Variants in RAB22A observed in about 807,000 individuals in gnomAD.
The protein encoded by RAB22A is ras-related protein Rab-22A.
A neutral mutation model predicts 30.2 loss-of-function variants in RAB22A; 13 were observed. The observed-to-expected ratio is 0.43, with a 90% CI of 0.28 to 0.68. The LOEUF (loss-of-function observed/expected upper bound fraction) is 0.68, where lower values mean the gene tolerates loss of function less well. Ranked by LOEUF, RAB22A falls within the 30% of genes least tolerant of loss-of-function variation. RAB22A has a pLI of 0.18. For missense variants in RAB22A, 177 were observed against 246.8 expected (o/e 0.72, Z 1.89); for synonymous variants, 89 against 87.2 (o/e 1.02, Z -0.11).
At chr20:58,345,650 G>A (rs939591830) in intron 3 of RAB22A, 1 of 152,366 alleles carries the variant, frequency 6.6e-6, no homozygotes, top group Non-Finnish European at 1.5e-5. Flanking sequence ...GGTTGCCAAA[G>A]CGCAGTGCTG....
At chr20:58,310,157 AG>A (rs1600719756) in intron 1 of RAB22A, 145 bp downstream of exon 1, 1 of 830,334 alleles carries the variant, frequency 1.2e-6, no homozygotes, top group East Asian at 3.4e-5. Context: ...CCAGCTCGGG[AG>A]CCGTCCCGCC....
At chr20:58,333,882 C>T (rs1986700877) in intron 2 of RAB22A, among the ~76,000 whole-genome samples, 1 of 152,098 alleles carries the variant, frequency 6.6e-6, no homozygotes, top group South Asian at 2.1e-4. Context: ...CATAGCGAGA[C>T]CCTGTCTCTA....
At chr20:58,315,378 C>A (rs1400019265) in intron 2 of RAB22A, among the ~76,000 whole-genome samples, 1 of 152,174 alleles carries the variant, frequency 6.6e-6, no homozygotes, top group African/African-American at 2.4e-5. Context: ...CGTCTTTGTT[C>A]CTCCTCCAGT....
At position 58,350,541 on chromosome 20, in the gene RAB22A, C is replaced by T. The variant is rs189843575; in HGVS notation, c.199-2732C>T. 2.9e-3 allele frequency among the ~76,000 whole-genome samples: 438 copies of T among 151,944 alleles called. 6 individuals carry two copies. The highest frequency in any genetic ancestry group is 0.01 in the African/African-American group (422 of 41,432). ...GGTAAAGAGAAAATCTTGAATGCACCCAGAAGTAAAAGACACGTAAACAGG... is the reference window on the plus strand; with the variant it reads ...GGTAAAGAGAAAATCTTGAATGCACTCAGAAGTAAAAGACACGTAAACAGG... On this transcript the variant is annotated intron_variant, in intron 3 of 6. Coordinates refer to ENST00000244040, the MANE Select transcript of RAB22A (RefSeq NM_020673.3).
rs1453453095 is a variant in RAB22A, at chr20:58,309,762, A to C, written c.-215A>C. The C allele has an allele frequency of 1.3e-5, 4 of 299,494 alleles. No homozygotes were observed. Among genetic ancestry groups the C allele is most frequent in the Non-Finnish European group, 2.4e-5 (4 of 169,424 alleles). 18.6% of individuals were successfully genotyped at this position (299,494 alleles called of 1,614,324 possible). Reference sequence around the variant, plus strand: ...AGATGGCGGCGGCGGCGGCTCCCGGAAGGCCGCGGCGGCGTCCCGGCTGCT... The same window carrying C: ...AGATGGCGGCGGCGGCGGCTCCCGGCAGGCCGCGGCGGCGTCCCGGCTGCT... On this transcript the variant is annotated 5_prime_UTR_variant, in exon 1 of 7. Coordinates refer to ENST00000244040, the MANE Select transcript of RAB22A (RefSeq NM_020673.3).
At position 58,364,351 on chromosome 20, in the gene RAB22A, A is replaced by G. The variant is rs991527884; in HGVS notation, c.*4648A>G. 6.6e-6 allele frequency: 1 copy of G among 152,252 alleles called. No homozygotes were observed. The highest frequency in any genetic ancestry group is 2.4e-5 in the African/African-American group (1 of 41,458). The allele number at this position is 152,252 out of a possible 1,614,324, so 9.4% of individuals were successfully genotyped here. A position where few individuals can be genotyped will look rare whatever the true frequency, so the allele number is the denominator to read the frequency against. On this transcript the variant is annotated 3_prime_UTR_variant, in exon 7 of 7. Transcript: ENST00000244040. ...TTGATGGTCTATACCATCAGAAATAACTAATATCTGTTTTCTTTCCTTTTA... is the reference window on the plus strand; with the variant it reads ...TTGATGGTCTATACCATCAGAAATAGCTAATATCTGTTTTCTTTCCTTTTA...
rs1339890004 is a variant in RAB22A at position 58,363,772 on chromosome 20, A to C, written c.*4069A>C. The C allele has an allele frequency of 1.3e-5, 2 of 152,226 alleles. No individual in the cohort carries two copies. Among genetic ancestry groups the C allele is most frequent in the Non-Finnish European group, 2.9e-5 (2 of 68,040 alleles). The allele number at this position is 152,226 out of a possible 1,614,324, so 9.4% of individuals were successfully genotyped here. On this transcript the variant is annotated 3_prime_UTR_variant, in exon 7 of 7. Coordinates refer to ENST00000244040, the MANE Select transcript of RAB22A (RefSeq NM_020673.3). The stretch of plus-strand genomic sequence containing the variant: ...CCTCTAGTTAGCTTGGTTTATCAAA[A>C]GGATTTTTAAATGATTCAAGGTAAT...
At chr20:58,326,146 G>GT (rs139989125) in intron 2 of RAB22A, among the ~76,000 whole-genome samples, 8,431 of 150,386 alleles carry the variant, frequency 0.056, 264 homozygotes, top group South Asian at 0.11. Flanking sequence ...TTCCTGTTTT[G>GT]TTTTTTTTTA....
At chr20:58,321,148 G>A (rs1986450830) in intron 2 of RAB22A, among the ~76,000 whole-genome samples, 6 of 149,974 alleles carry the variant, frequency 4.0e-5, no homozygotes, top group Admixed American at 1.3e-4. Context: ...CCGAGACTGC[G>A]CCACTGCCCT....
chr20:58,346,688 A>G (rs1486658734), intron 3 of RAB22A, among the ~76,000 whole-genome samples: 1 of 152,206 alleles, frequency 6.6e-6, no homozygotes, highest in East Asian at 1.9e-4. Context: ...ATCTCCCATC[A>G]GACTGTAACT....
rs971540954 is a variant in RAB22A at position 58,362,161 on chromosome 20, C to T, written c.*2458C>T. 2 of 152,140 alleles carry T rather than the reference C, an allele frequency of 1.3e-5. No individual in the cohort carries two copies. The highest frequency in any genetic ancestry group is 2.9e-5 in the Non-Finnish European group (2 of 68,018). 9.4% of individuals were successfully genotyped at this position (152,140 alleles called of 1,614,324 possible). A position where few individuals can be genotyped will look rare whatever the true frequency, so the allele number is the denominator to read the frequency against. On this transcript the variant is annotated 3_prime_UTR_variant, in exon 7 of 7. Transcript: ENST00000244040. ...TCGGCACTGTTTCTCGTGTAATATC[C>T]TTCTAATGCTTAGCAACAACAACAA...
At chr20:58,334,815 C>T (rs1986719948) in intron 2 of RAB22A, among the ~76,000 whole-genome samples, 1 of 151,224 alleles carries the variant, frequency 6.6e-6, no homozygotes, top group Non-Finnish European at 1.5e-5. Context: ...GACATCCATG[C>T]CCTGTTCTTA....
chr20:58,339,122 G>C (rs115158720), intron 2 of RAB22A, among the ~76,000 whole-genome samples: 1 of 152,212 alleles, frequency 6.6e-6, no homozygotes, highest in Non-Finnish European at 1.5e-5. Context: ...TTTTTTCATT[G>C]AGAGCACGTA....
intron 2 of RAB22A, 143 bp from the exon 3 acceptor site, chr20:58,343,575 A>G (rs1481019995): frequency 3.3e-6 from 2 of 598,998 alleles, no homozygotes; most frequent in Admixed American, 5.9e-5. Flanking sequence ...AGCATCCCAT[A>G]AATACTCCAG....
At chr20:58,332,809 A>G (rs746785200) in intron 2 of RAB22A, among the ~76,000 whole-genome samples, 4 of 152,116 alleles carry the variant, frequency 2.6e-5, no homozygotes, top group Non-Finnish European at 4.4e-5. Flanking sequence ...GTCTAGGTAT[A>G]TCATAGTCAA....
At chr20:58,332,340 G>A (rs543365511) in intron 2 of RAB22A, among the ~76,000 whole-genome samples, 29 of 152,362 alleles carry the variant, frequency 1.9e-4, no homozygotes, top group African/African-American at 6.7e-4. Context: ...GCTCTTAACT[G>A]TGGAGACTTG....
chr20:58,335,697 C>G (rs1986738337), intron 2 of RAB22A, among the ~76,000 whole-genome samples: 1 of 152,110 alleles, frequency 6.6e-6, no homozygotes. Context: ...TTGGGTCTAT[C>G]CTTGTTTTGT....
At chr20:58,343,600 A>T (rs1986894892) in intron 2 of RAB22A, 118 bp from the exon 3 acceptor site, 2 of 697,470 alleles carry the variant, frequency 2.9e-6, no homozygotes, top group Non-Finnish European at 5.0e-6. Context: ...GAACACAATT[A>T]GGATACAGCG....
At chr20:58,338,213 G>C (rs1986794163) in intron 2 of RAB22A, among the ~76,000 whole-genome samples, 1 of 151,986 alleles carries the variant, frequency 6.6e-6, no homozygotes, top group South Asian at 2.1e-4. Context: ...TTTTAGTAGA[G>C]ACGAGGTTTC....
Sources: gnomAD v4.1 joint callset for allele counts (sites outside exome capture counted in the v4.1 genomes callset) on GRCh38, gnomAD v4.1.1 for gene constraint, MANE v1.5 for transcripts, NCBI Gene and HGNC (gene_info 2026-07-23, HGNC 2026-07-21) for gene names.